Variants in RGS6 observed in about 807,000 individuals in gnomAD.
RGS6 encodes regulator of G protein signaling 6, also known as regulator of G-protein signaling 6.
A neutral mutation model predicts 78.5 loss-of-function variants in RGS6; 30 were observed. That is an observed-to-expected ratio of 0.38 (90% CI 0.29 to 0.52). RGS6 has a LOEUF of 0.52. RGS6 is among the 20% of genes least tolerant of loss of function. RGS6 has a pLI of 0.85. For synonymous variants in RGS6, 206 were observed against 206.0 expected (o/e 1.00, Z 0.00); for missense variants, 495 against 609.7 (o/e 0.81, Z 1.98).
the RGS6 span, among the ~76,000 whole-genome samples, chr14:71,913,250 C>T: frequency 8.5e-5 from 13 of 152,288 alleles, no homozygotes; most frequent in Non-Finnish European, 1.6e-4. Flanking sequence ...CATCTGACTT[C>T]CCTCATGAAC....
intron 2 of RGS6, among the ~76,000 whole-genome samples, chr14:72,337,733 C>T (rs2076301283): frequency 6.6e-6 from 1 of 152,208 alleles, no homozygotes; most frequent in South Asian, 2.1e-4. Context: ...GCTACAAAAA[C>T]CTTTTAATCT....
At chr14:72,131,940 C>T (rs2096328581) in intron 2 of RGS6, among the ~76,000 whole-genome samples, 1 of 152,062 alleles carries the variant, frequency 6.6e-6, no homozygotes, top group South Asian at 2.1e-4. Flanking sequence ...TAAAAATGTA[C>T]AGCAAAATCC....
At chr14:71,888,741 G>A in the RGS6 span, among the ~76,000 whole-genome samples, 1 of 152,144 alleles carries the variant, frequency 6.6e-6, no homozygotes, top group African/African-American at 2.4e-5. Context: ...ACTATGATGG[G>A]AACAAGTAGG....
intron 4 of RGS6, among the ~76,000 whole-genome samples, chr14:72,457,827 C>T (rs1028890307): frequency 6.6e-6 from 1 of 152,166 alleles, no homozygotes; most frequent in Non-Finnish European, 1.5e-5. Flanking sequence ...GGGAGTCCTA[C>T]GTCTCTATGG....
chr14:72,136,250 A>G (rs540397276), intron 2 of RGS6, among the ~76,000 whole-genome samples: 1 of 152,268 alleles, frequency 6.6e-6, no homozygotes, highest in Non-Finnish European at 1.5e-5. Context: ...CTCTATATTG[A>G]TAACTAGAAA....
chr14:72,489,375 T>C (rs891088439), intron 12 of RGS6, among the ~76,000 whole-genome samples: 12 of 152,228 alleles, frequency 7.9e-5, no homozygotes, highest in African/African-American at 2.4e-4. Context: ...GTGTTCTCTC[T>C]GTATCCCCAC....
the RGS6 span, among the ~76,000 whole-genome samples, chr14:71,885,778 T>A: frequency 1.4e-4 from 21 of 152,220 alleles, no homozygotes; most frequent in Admixed American, 1.4e-3. Context: ...TGTCTCTACT[T>A]TTAGAGAAGA....
At chr14:72,137,972 C>A (rs1004355774) in intron 2 of RGS6, among the ~76,000 whole-genome samples, 3 of 152,034 alleles carry the variant, frequency 2.0e-5, no homozygotes, top group Non-Finnish European at 4.4e-5. Flanking sequence ...GCAACCAACC[C>A]CCATCCTGAG....
intron 2 of RGS6, among the ~76,000 whole-genome samples, chr14:72,161,710 A>C (rs17768877): frequency 0.12 from 18,583 of 152,254 alleles, 1,139 homozygotes; most frequent in Non-Finnish European, 0.14. Flanking sequence ...AAGTTGCTGA[A>C]CTACAGGAGT....
rs115116223 is a variant in RGS6 at position 72,423,922 on chromosome 14, A to G, written c.185-30606A>G. Among the ~76,000 whole-genome samples the G allele has an allele frequency of 7.8e-3, 1,186 of 152,298 alleles. 18 individuals carry two copies. Among genetic ancestry groups the G allele is most frequent in the African/African-American group, 0.027 (1,116 of 41,586 alleles). On this transcript the variant is annotated intron_variant, in intron 3 of 17. Coordinates refer to ENST00000553525, the MANE Select transcript of RGS6 (RefSeq NM_001204424.2). ...CACTAGGGATTATAGAAGTGTTGAA[A>G]GCTTCATTCTCATCCAGTCATTCAT...
In RGS6 at chr14:72,483,789, G is replaced by A. The variant is rs185012141; in HGVS notation, c.854+5460G>A. ...GACCAAGATATGGAATCTGTAGCAT[G>A]TGGAAAAGAAGGGGCCTCCATACCT... On this transcript the variant is annotated intron_variant, in intron 12 of 17. Coordinates refer to ENST00000553525, the MANE Select transcript of RGS6 (RefSeq NM_001204424.2). Among the ~76,000 whole-genome samples, 7 of 151,980 alleles carry A rather than the reference G, an allele frequency of 4.6e-5. No homozygotes were observed. The South Asian group carries it at 1.5e-3, about 32-fold the overall frequency.
intron 2 of RGS6, among the ~76,000 whole-genome samples, chr14:72,023,152 C>A (rs922390452): frequency 6.6e-6 from 1 of 152,214 alleles, no homozygotes; most frequent in African/African-American, 2.4e-5. Context: ...TGATCCTAAA[C>A]TATTGAGAAA....
At chr14:71,911,651 T>C in the RGS6 span, among the ~76,000 whole-genome samples, 1 of 152,208 alleles carries the variant, frequency 6.6e-6, no homozygotes, top group Non-Finnish European at 1.5e-5. Flanking sequence ...TAACATCCAC[T>C]CAGCAGCATT....
intron 2 of RGS6, among the ~76,000 whole-genome samples, chr14:72,284,966 T>C (rs977149434): frequency 1.3e-5 from 2 of 152,214 alleles, no homozygotes; most frequent in African/African-American, 4.8e-5. Context: ...TGGACTTGGA[T>C]GGGACCTTTA....
At chr14:72,579,489 G>A in the RGS6 span, among the ~76,000 whole-genome samples, 2 of 152,222 alleles carry the variant, frequency 1.3e-5, no homozygotes, top group Admixed American at 1.3e-4. Flanking sequence ...GGAAGGGGAG[G>A]AAATGTCTAG....
chr14:72,459,097 T>C (rs557480382), intron 5 of RGS6, among the ~76,000 whole-genome samples: 31 of 152,338 alleles, frequency 2.0e-4, no homozygotes, highest in African/African-American at 7.5e-4. Flanking sequence ...GTGAGCCTGA[T>C]AGCACAGACC....
At chr14:72,295,623 C>G (rs552594851) in intron 2 of RGS6, among the ~76,000 whole-genome samples, 6 of 152,148 alleles carry the variant, frequency 3.9e-5, no homozygotes, top group Non-Finnish European at 7.4e-5. Context: ...CTTTTCAGTT[C>G]CCCTACCTGA....
intron 2 of RGS6, among the ~76,000 whole-genome samples, chr14:72,202,753 C>T (rs548073065): frequency 6.6e-6 from 1 of 151,982 alleles, no homozygotes; most frequent in East Asian, 1.9e-4. Context: ...AGGGCAGGCA[C>T]GTGTTAAAAA....
intron 2 of RGS6, among the ~76,000 whole-genome samples, chr14:72,251,317 C>A (rs1240559585): frequency 6.6e-6 from 1 of 152,118 alleles, no homozygotes; most frequent in Non-Finnish European, 1.5e-5. Context: ...AGTGGTTAAT[C>A]TTTCTTGTTA....
Sources: gnomAD v4.1 joint callset for allele counts (sites outside exome capture counted in the v4.1 genomes callset) on GRCh38, gnomAD v4.1.1 for gene constraint, MANE v1.5 for transcripts, NCBI Gene and HGNC (gene_info 2026-07-23, HGNC 2026-07-21) for gene names.